Variants in SPECC1L observed in about 807,000 individuals in gnomAD.
SPECC1L encodes the protein cytospin-A.
Under a neutral mutation model 116.8 loss-of-function variants are expected in SPECC1L, and 40 were observed. The observed-to-expected ratio is 0.34, with a 90% CI of 0.27 to 0.45. The LOEUF is 0.45. Ranked by LOEUF, SPECC1L falls within the 20% of genes least tolerant of loss-of-function variation. The pLI, the probability that SPECC1L is intolerant of heterozygous loss-of-function variation, is 1.00. For missense variants in SPECC1L, 1,110 were observed against 1,373.6 expected, an observed-to-expected ratio of 0.81 and a Z score of 3.03; for synonymous variants, 504 against 500.6, an observed-to-expected ratio of 1.01 and a Z score of -0.09.
chr22:24,352,080 C>G (rs975828587), intron 11 of SPECC1L, among the ~76,000 whole-genome samples: 1 of 151,826 alleles, frequency 6.6e-6, no homozygotes, highest in East Asian at 1.9e-4. Context: ...GAAAATGTTT[C>G]ATACCAGAGA....
At chr22:24,391,347 T>C (rs559281947) in intron 14 of SPECC1L, among the ~76,000 whole-genome samples, 16 of 152,338 alleles carry the variant, frequency 1.1e-4, no homozygotes, top group African/African-American at 3.8e-4. Context: ...TGTTTAAACA[T>C]GATCTTGATA....
intron 14 of SPECC1L, among the ~76,000 whole-genome samples, chr22:24,380,524 T>G (rs1367388452): frequency 6.6e-6 from 1 of 152,244 alleles, no homozygotes; most frequent in Non-Finnish European, 1.5e-5. Flanking sequence ...CCATATCATC[T>G]TTCGTTAACT....
intron 1 of SPECC1L, among the ~76,000 whole-genome samples, chr22:24,274,466 T>C (rs1354122366): frequency 1.3e-5 from 2 of 152,252 alleles, no homozygotes; most frequent in African/African-American, 4.8e-5. Context: ...AAATTAATAA[T>C]GTAATATCTA....
intron 14 of SPECC1L, among the ~76,000 whole-genome samples, chr22:24,373,819 A>G (rs1266124407): frequency 6.6e-6 from 1 of 152,194 alleles, no homozygotes; most frequent in African/African-American, 2.4e-5. Flanking sequence ...AAAAGAAACT[A>G]CCATCAGAGT....
intron 13 of SPECC1L, among the ~76,000 whole-genome samples, chr22:24,366,409 G>A (rs528376098): frequency 1.1e-4 from 16 of 152,190 alleles, no homozygotes; most frequent in African/African-American, 3.9e-4. Flanking sequence ...TAGCCAGGAT[G>A]GTCTCGATCT....
At chr22:24,389,642 A>T (rs1287823526) in intron 14 of SPECC1L, among the ~76,000 whole-genome samples, 2 of 152,126 alleles carry the variant, frequency 1.3e-5, no homozygotes, top group Admixed American at 6.5e-5. Flanking sequence ...AAGCAAGGAA[A>T]AGAAGTACTT....
At chr22:24,303,952 T>C (rs1254631201) in intron 3 of SPECC1L, among the ~76,000 whole-genome samples, 1 of 151,388 alleles carries the variant, frequency 6.6e-6, no homozygotes, top group Non-Finnish European at 1.5e-5. Context: ...AGCAATTGCC[T>C]TCACTTAAGA....
chr22:24,306,473 T>C (rs1938802815), intron 3 of SPECC1L, among the ~76,000 whole-genome samples: 1 of 152,160 alleles, frequency 6.6e-6, no homozygotes, highest in Admixed American at 6.6e-5. Flanking sequence ...CTTGAACTCC[T>C]GGGCTCAAGC....
At chr22:24,325,580 T>TTTA (rs61365555) in intron 6 of SPECC1L, among the ~76,000 whole-genome samples, 22 of 147,482 alleles carry the variant, frequency 1.5e-4, no homozygotes, top group African/African-American at 5.6e-4. Flanking sequence ...TATTTATTTA[T>TTTA]AAGAGGTGAC....
At chr22:24,412,418 G>C (rs1302975846) in intron 15 of SPECC1L, 3 of 616,170 alleles carry the variant, frequency 4.9e-6, no homozygotes, top group Non-Finnish European at 8.8e-6. Context: ...AGTGAGGAAA[G>C]AACGGGTGTT....
intron 11 of SPECC1L, among the ~76,000 whole-genome samples, chr22:24,355,446 C>CTGT (rs1180472896): frequency 1.4e-5 from 2 of 147,104 alleles, no homozygotes; most frequent in African/African-American, 5.2e-5. Context: ...TGTCTGTCTA[C>CTGT]CTACCTATCC....
rs1428178259 is a variant in SPECC1L at position 24,363,315 on chromosome 22, C to G, written c.2798C>G (p.Pro933Arg). Residue 933 changes from proline (P) to arginine (R), a missense_variant, in exon 12 of 17, where the codon CCT becomes CGT. By Grantham distance (103) the Pro-to-Arg change is moderately radical. This residue lies in a region of SPECC1L where 575 missense variants were observed against 682.4 expected (regional missense o/e 0.84). Coordinates refer to ENST00000314328, the MANE Select transcript of SPECC1L (RefSeq NM_015330.6). Reference sequence around the variant, plus strand: ...CGGCCTGCTTCCCTGCCAAGAGTGCCTGCGATGGAAAGTGCCAAGACCCTC... The same window carrying G: ...CGGCCTGCTTCCCTGCCAAGAGTGCGTGCGATGGAAAGTGCCAAGACCCTC... Reference protein sequence around the residue: ...ASRPASLPRVPAMESAKTLSV... With the variant: ...ASRPASLPRVRAMESAKTLSV... 1 of 1,614,186 alleles carries G rather than the reference C, an allele frequency of 6.2e-7. No individual in the cohort carries two copies. The highest frequency in any genetic ancestry group is 8.5e-7 in the Non-Finnish European group (1 of 1,180,026).
chr22:24,359,608 A>G (rs1460222775), intron 11 of SPECC1L, among the ~76,000 whole-genome samples: 1 of 151,840 alleles, frequency 6.6e-6, no homozygotes, highest in Admixed American at 6.6e-5. Context: ...CAAACGCCTT[A>G]CCCTGGAGTT....
chr22:24,274,670 T>G (rs954133392), intron 1 of SPECC1L, among the ~76,000 whole-genome samples: 1 of 152,250 alleles, frequency 6.6e-6, no homozygotes, highest in African/African-American at 2.4e-5. Context: ...TGTCCTTTAT[T>G]TTTTGGTTAA....
intron 2 of SPECC1L, among the ~76,000 whole-genome samples, chr22:24,280,732 C>T (rs1162247161): frequency 6.6e-6 from 1 of 152,002 alleles, no homozygotes; most frequent in African/African-American, 2.4e-5. Flanking sequence ...CATTTGCCAC[C>T]GCCCCCCATT....
intron 2 of SPECC1L, among the ~76,000 whole-genome samples, chr22:24,278,430 T>C (rs2048878287): frequency 6.6e-6 from 1 of 152,154 alleles, no homozygotes; most frequent in South Asian, 2.1e-4. Context: ...TTCATACTTC[T>C]GGAAATTCCA....
chr22:24,338,441 G>A lies in SPECC1L; in HGVS notation c.2616G>A (p.Met872Ile), dbSNP rs1366592592. The change falls in exon 10 of 17, where the codon ATG (methionine) becomes ATA (isoleucine). Residue 872 changes from methionine (M) to isoleucine (I), a missense_variant. Transcript: ENST00000314328. ...GAACGCCCCTGAGCCCAAGTCCTATGAAAACCCCTCCTGCAGCAGCTGTGT... is the reference window on the plus strand; with the variant it reads ...GAACGCCCCTGAGCCCAAGTCCTATAAAAACCCCTCCTGCAGCAGCTGTGT... ...IPRTPLSPSP[M>I]KTPPAAAVSP... The A allele has an allele frequency of 3.1e-6, 5 of 1,613,920 alleles. No individual in the cohort carries two copies.
rs199766231 is a variant in SPECC1L, at chr22:24,411,597, A to G, written c.3097A>G (p.Ile1033Val). 1.2e-6 allele frequency: 2 copies of G among 1,614,058 alleles called. No homozygotes were observed. Among genetic ancestry groups the G allele is most frequent in the Non-Finnish European group, 1.7e-6 (2 of 1,179,926 alleles). ...TCTTCCTTTCCTTCAGAATATTGAC[A>G]TTACAAACTTCAGCAGCAGCTGGAA... ...KKTEGYQNID[I>V]TNFSSSWNDG... The change falls in exon 15 of 17, where the codon ATT becomes GTT. Residue 1033 changes from isoleucine (I) to valine (V), a missense_variant. Physicochemically the swap from Ile to Val is conservative, Grantham distance 29. This residue lies in a region of SPECC1L where 76 missense variants were observed against 148.5 expected (regional missense o/e 0.51). Coordinates refer to ENST00000314328, the MANE Select transcript of SPECC1L (RefSeq NM_015330.6).
intron 3 of SPECC1L, among the ~76,000 whole-genome samples, chr22:24,306,621 T>C (rs1305482798): frequency 6.6e-6 from 1 of 152,234 alleles, no homozygotes; most frequent in Non-Finnish European, 1.5e-5. Flanking sequence ...TGGCTTCAAG[T>C]AATTCTCCTG....
Sources: allele counts gnomAD v4.1 joint callset (sites outside exome capture counted in the v4.1 genomes callset), GRCh38; gene constraint gnomAD v4.1.1; regional missense constraint gnomAD v4.1.1; transcripts MANE v1.5; gene names NCBI Gene and HGNC (gene_info 2026-07-23, HGNC 2026-07-21).